Variants in CFAP20DC observed in about 807,000 individuals in gnomAD.
CFAP20DC encodes protein CFAP20DC.
CFAP20DC carries 84 observed loss-of-function variants against 101.7 expected under a neutral mutation model. The ratio of observed to expected loss-of-function variants is 0.83; its 90% CI spans 0.69 to 0.99. The LOEUF (loss-of-function observed/expected upper bound fraction) is 0.99. Among genes scored for constraint, CFAP20DC ranks in the 50% least tolerant of loss-of-function variants. The pLI is 0.00. For synonymous variants in CFAP20DC, 359 were observed against 351.2 expected (o/e 1.02, Z -0.25); for missense variants, 1,007 against 970.3 (o/e 1.04, Z -0.50).
At chr3:58,942,015 T>C (rs2088676581) in intron 4 of CFAP20DC, among the ~76,000 whole-genome samples, 1 of 152,226 alleles carries the variant, frequency 6.6e-6, no homozygotes, top group Admixed American at 6.5e-5. Context: ...GTTTACTTTA[T>C]CACACTGAGG....
intron 4 of CFAP20DC, among the ~76,000 whole-genome samples, chr3:58,949,666 C>G (rs1362392431): frequency 1.3e-5 from 2 of 152,106 alleles, no homozygotes; most frequent in Non-Finnish European, 2.9e-5. Context: ...ATGACAAAAA[C>G]CATATGATTA....
chr3:58,955,981 G>A (rs2108131834), intron 4 of CFAP20DC, among the ~76,000 whole-genome samples: 1 of 151,296 alleles, frequency 6.6e-6, no homozygotes, highest in Admixed American at 6.6e-5. Context: ...GATTCAGTAT[G>A]GGCAGGATTC....
At chr3:58,921,147 CTTGA>C (rs1325639925) in intron 5 of CFAP20DC, among the ~76,000 whole-genome samples, 7 of 151,368 alleles carry the variant, frequency 4.6e-5, no homozygotes, top group African/African-American at 1.7e-4. Flanking sequence ...TCTTTTTTTT[CTTGA>C]TTAGTCTAGC....
At chr3:58,815,955 C>A (rs1051002322) in intron 14 of CFAP20DC, among the ~76,000 whole-genome samples, 2 of 150,652 alleles carry the variant, frequency 1.3e-5, no homozygotes, top group Admixed American at 1.3e-4. Context: ...AGTGTGGCGA[C>A]TCCTCAGGGA....
intron 5 of CFAP20DC, 140 bp downstream of exon 5, chr3:58,937,508 G>T (rs1576393074): frequency 3.2e-6 from 2 of 627,936 alleles, no homozygotes; most frequent in East Asian, 5.4e-5. Flanking sequence ...TTTCAAGAGA[G>T]GGGAAGGAAG....
chr3:58,963,369 C>T (rs2091308031), intron 4 of CFAP20DC, among the ~76,000 whole-genome samples: 1 of 151,996 alleles, frequency 6.6e-6, no homozygotes, highest in Non-Finnish European at 1.5e-5. Flanking sequence ...CCTTACTCTA[C>T]CATTTTGTAA....
Position 59,007,116 on chromosome 3 carries a change from T to A in CFAP20DC, c.278+32441A>T, listed in dbSNP as rs1196096649. ...CTATACTGCACAGCAGAGGTAGCCATACTTCCCTCTGGAACAAAACCCCAT... is the reference window on the plus strand; with the variant it reads ...CTATACTGCACAGCAGAGGTAGCCAAACTTCCCTCTGGAACAAAACCCCAT... On this transcript the variant is annotated intron_variant, in intron 4 of 16. Coordinates refer to ENST00000482387, the MANE Select transcript of CFAP20DC (RefSeq NM_001394063.1). This position sits in a 1 kb window ranked among gnomAD's most constrained non-coding sequence, Gnocchi z 4.4. 2.0e-5 allele frequency among the ~76,000 whole-genome samples: 3 copies of A among 152,130 alleles called. No individual in the cohort carries two copies. Among genetic ancestry groups the A allele is most frequent in the Non-Finnish European group, 4.4e-5 (3 of 68,022 alleles).
intron 4 of CFAP20DC, among the ~76,000 whole-genome samples, chr3:59,016,454 G>A (rs1232976303): frequency 6.6e-6 from 1 of 151,946 alleles, no homozygotes; most frequent in African/African-American, 2.4e-5. Context: ...AATGAGTTTT[G>A]GTGTTTTGTG....
intron 4 of CFAP20DC, among the ~76,000 whole-genome samples, chr3:58,977,845 C>T (rs1183644118): frequency 1.3e-5 from 2 of 152,114 alleles, no homozygotes; most frequent in Non-Finnish European, 2.9e-5. Flanking sequence ...CCGTGTTTGT[C>T]TCTCCCCACT....
chr3:59,029,048 C>G (rs1274315821), intron 4 of CFAP20DC, among the ~76,000 whole-genome samples: 1 of 152,258 alleles, frequency 6.6e-6, no homozygotes, highest in Middle Eastern at 3.4e-3. Flanking sequence ...CTTATGTTAT[C>G]ATAACATTCA....
chr3:59,002,848 C>T lies in CFAP20DC; in HGVS notation c.278+36709G>A, dbSNP rs2108769522. On this transcript the variant is annotated intron_variant, in intron 4 of 16. Transcript: ENST00000482387. The surrounding 1 kb of genome is among the most constrained non-coding windows in gnomAD (Gnocchi z 4.5). ...AAGCACTTCTTATCATCAAACTTATCCTCACATTAAGGAGGCATTTTCATT... is the reference window on the plus strand; with the variant it reads ...AAGCACTTCTTATCATCAAACTTATTCTCACATTAAGGAGGCATTTTCATT... 6.6e-6 allele frequency among the ~76,000 whole-genome samples: 1 copy of T among 152,288 alleles called. No homozygotes were observed. The highest frequency in any genetic ancestry group is 3.4e-3 in the Middle Eastern group (1 of 294).
At chr3:58,776,208 A>G (rs183436842) in intron 15 of CFAP20DC, among the ~76,000 whole-genome samples, 1 of 152,342 alleles carries the variant, frequency 6.6e-6, no homozygotes, top group East Asian at 1.9e-4. Context: ...AGCAGTGAGC[A>G]TAATGCTGTG....
chr3:58,960,792 T>C (rs536142126), intron 4 of CFAP20DC, among the ~76,000 whole-genome samples: 181 of 152,344 alleles, frequency 1.2e-3, no homozygotes, highest in Middle Eastern at 6.8e-3. Context: ...TATTTCATTA[T>C]ACTAGAATAC....
intron 12 of CFAP20DC, among the ~76,000 whole-genome samples, chr3:58,851,774 T>C (rs933086360): frequency 1.7e-4 from 26 of 152,088 alleles, no homozygotes; most frequent in African/African-American, 6.3e-4. Flanking sequence ...TAAAGATTTT[T>C]AAGATTATAA....
chr3:58,751,840 A>AACACACACACACACACAC (rs58961774), intron 16 of CFAP20DC, among the ~76,000 whole-genome samples: 15 of 140,662 alleles, frequency 1.1e-4, no homozygotes, highest in African/African-American at 4.0e-4. Flanking sequence ...CCTCAGCTGT[A>AACACACACACACACACAC]ACACACACAC....
rs941552185 is a variant in CFAP20DC, at chr3:58,941,940, C to T, written c.279-4178G>A. Among the ~76,000 whole-genome samples, 6 of 152,164 alleles carry T rather than the reference C, an allele frequency of 3.9e-5. No homozygotes were observed. The East Asian group carries it at 9.6e-4, about 24-fold the overall frequency. ...GAAATCATTACAATATATACCCTTG[C>T]TTTATTCCCAATCACAGGGAGAAAG... On this transcript the variant is annotated intron_variant, in intron 4 of 16. Transcript: ENST00000482387.
intron 12 of CFAP20DC, among the ~76,000 whole-genome samples, chr3:58,854,727 C>T (rs1355948400): frequency 2.7e-5 from 4 of 150,638 alleles, no homozygotes; most frequent in Admixed American, 1.3e-4. Context: ...GAAAAACAAG[C>T]AATGGGGAAA....
At chr3:59,004,404 A>G (rs1019280231) in intron 4 of CFAP20DC, among the ~76,000 whole-genome samples, 5 of 152,174 alleles carry the variant, frequency 3.3e-5, no homozygotes, top group African/African-American at 1.2e-4. Context: ...AGGAGTTACT[A>G]TTATTAACAT....
At chr3:58,723,614 G>A (rs2067503631) in intron 3 of CFAP20DC, among the ~76,000 whole-genome samples, 1 of 152,224 alleles carries the variant, frequency 6.6e-6, no homozygotes, top group East Asian at 1.9e-4. Context: ...CTGGATGAAT[G>A]TGAGTGGTGG....
Sources: gnomAD v4.1 joint callset for allele counts (sites outside exome capture counted in the v4.1 genomes callset) on GRCh38, gnomAD v4.1.1 for gene constraint, Gnocchi (gnomAD v3.1) non-coding constraint, MANE v1.5 for transcripts, NCBI Gene and HGNC (gene_info 2026-07-23, HGNC 2026-07-21) for gene names.